ROBO1: variants seen among roughly 807,000 people sequenced by gnomAD.
ROBO1 encodes the protein roundabout homolog 1.
A neutral mutation model predicts 195.9 loss-of-function variants in ROBO1; 149 were observed. The ratio of observed to expected loss-of-function variants is 0.76; its 90% CI spans 0.67 to 0.87. ROBO1 has a LOEUF of 0.87. Ranked by LOEUF, ROBO1 falls within the 40% of genes least tolerant of loss-of-function variation. ROBO1 has a pLI of 0.00. For synonymous variants in ROBO1, 816 were observed against 733.2 expected (o/e 1.11, Z -1.82); for missense variants, 1,933 against 2,068.3 (o/e 0.93, Z 1.27).
At chr3:79,690,977 A>G (rs1947282214) in intron 1 of ROBO1, among the ~76,000 whole-genome samples, 2 of 151,894 alleles carry the variant, frequency 1.3e-5, no homozygotes, top group Admixed American at 1.3e-4. Flanking sequence ...TTACATATAT[A>G]ATTTATTCTT....
intron 3 of ROBO1, among the ~76,000 whole-genome samples, chr3:79,082,021 A>G (rs1362576341): frequency 6.6e-6 from 1 of 152,138 alleles, no homozygotes; most frequent in African/African-American, 2.4e-5. Flanking sequence ...TTATTTTTCT[A>G]TTATCATTCA....
chr3:79,201,727 C>T (rs1366017948), intron 2 of ROBO1, among the ~76,000 whole-genome samples: 2 of 151,756 alleles, frequency 1.3e-5, no homozygotes, highest in African/African-American at 4.8e-5. Flanking sequence ...ATCAAAATAA[C>T]CTTTTACACA....
chr3:79,530,242 T>C (rs1559968003), intron 2 of ROBO1, among the ~76,000 whole-genome samples: 1 of 152,194 alleles, frequency 6.6e-6, no homozygotes, highest in South Asian at 2.1e-4. Flanking sequence ...GTGACACTTT[T>C]TTGGTTCTAA....
chr3:79,695,613 A>G (rs1947422216), intron 1 of ROBO1, among the ~76,000 whole-genome samples: 1 of 151,546 alleles, frequency 6.6e-6, no homozygotes. Flanking sequence ...GGAGAATGCA[A>G]AAAACTCCAG....
intron 2 of ROBO1, among the ~76,000 whole-genome samples, chr3:79,503,211 A>G (rs1940206237): frequency 6.6e-6 from 1 of 152,156 alleles, no homozygotes; most frequent in Non-Finnish European, 1.5e-5. Flanking sequence ...ACCAGGAGGA[A>G]TGAACAACTG....
At chr3:79,452,553 C>A (rs2039479604) in intron 2 of ROBO1, among the ~76,000 whole-genome samples, 2 of 152,036 alleles carry the variant, frequency 1.3e-5, no homozygotes, top group Non-Finnish European at 2.9e-5. Flanking sequence ...GTTGTGTCTG[C>A]TTGTTGCTGA....
Position 78,769,620 on chromosome 3 carries a change from T to G in ROBO1, c.500-22720A>C, listed in dbSNP as rs1392726791. On this transcript the variant is annotated intron_variant, in intron 4 of 30. Transcript: ENST00000464233. ...CTTTTTGTTGCCAGTGTACTTTGGT[T>G]TTTTTTTTTTTTTTTTTTGCTTTTT... is the stretch of plus-strand genomic sequence containing the variant. Among the ~76,000 whole-genome samples, 3 of 1,084 alleles carry G rather than the reference T, an allele frequency of 2.8e-3. No individual in the cohort carries two copies. The East Asian group carries it at 0.11, about 39-fold the overall frequency. 0.7% of individuals were successfully genotyped at this position (1,084 alleles called of 152,430 possible). A position where few individuals can be genotyped will look rare whatever the true frequency, so the allele number is the denominator to read the frequency against.
At chr3:79,699,511 G>A (rs1272976069) in intron 1 of ROBO1, among the ~76,000 whole-genome samples, 1 of 151,554 alleles carries the variant, frequency 6.6e-6, no homozygotes, top group Non-Finnish European at 1.5e-5. Flanking sequence ...CATATTAAAG[G>A]TTGAGACCTC....
chr3:79,747,877 G>T (rs1241100391), intron 1 of ROBO1, among the ~76,000 whole-genome samples: 1 of 151,774 alleles, frequency 6.6e-6, no homozygotes, highest in African/African-American at 2.4e-5. Flanking sequence ...CCACTATAAA[G>T]AGAAAACAAA....
chr3:79,673,860 C>G (rs1261225580), intron 1 of ROBO1, among the ~76,000 whole-genome samples: 2 of 151,954 alleles, frequency 1.3e-5, no homozygotes, highest in African/African-American at 4.8e-5. Flanking sequence ...GGGCTTAACA[C>G]CAGTGAGTGG....
intron 1 of ROBO1, among the ~76,000 whole-genome samples, chr3:79,750,328 G>A (rs1056609030): frequency 2.6e-5 from 4 of 152,148 alleles, no homozygotes; most frequent in African/African-American, 9.7e-5. Flanking sequence ...TAGGCAAAAG[G>A]GACTTGCCTT....
intron 2 of ROBO1, among the ~76,000 whole-genome samples, chr3:79,517,708 C>G (rs1941011003): frequency 6.6e-6 from 1 of 152,076 alleles, no homozygotes; most frequent in East Asian, 1.9e-4. Flanking sequence ...TTAGAATGTT[C>G]TTGTATGGCC....
chr3:79,573,102 T>G (rs1484845216), intron 2 of ROBO1, among the ~76,000 whole-genome samples: 2 of 152,106 alleles, frequency 1.3e-5, no homozygotes, highest in Admixed American at 6.6e-5. Flanking sequence ...CAAGCTGGAG[T>G]GCAGCGGCGA....
intron 26 of ROBO1, among the ~76,000 whole-genome samples, chr3:78,620,357 C>T (rs1704379396): frequency 6.6e-6 from 1 of 151,852 alleles, no homozygotes; most frequent in African/African-American, 2.4e-5. Flanking sequence ...ACTAAAAATA[C>T]AAAAATTAGC....
At chr3:79,461,034 A>C (rs1223008434) in intron 2 of ROBO1, among the ~76,000 whole-genome samples, 1 of 152,216 alleles carries the variant, frequency 6.6e-6, no homozygotes, top group Non-Finnish European at 1.5e-5. Context: ...ATAAGGAATT[A>C]ATAAAATTTT....
chr3:79,761,563 T>G lies in ROBO1; in HGVS notation c.-51+6189A>C, dbSNP rs146103691. 9.5e-3 allele frequency among the ~76,000 whole-genome samples: 1,446 copies of G among 152,272 alleles called. 20 individuals are homozygous for G. The highest frequency in any genetic ancestry group is 0.033 in the African/African-American group (1,373 of 41,526). On this transcript the variant is annotated intron_variant, in intron 1 of 30. Coordinates refer to ENST00000464233, the MANE Select transcript of ROBO1 (RefSeq NM_002941.4). ...TCAAACTTGTCATAATAATAAAAAG[T>G]CAGAGTCATTAAAAGCTCCAAGTAC...
At chr3:78,656,221 A>C (rs534911804) in intron 18 of ROBO1, among the ~76,000 whole-genome samples, 12 of 152,056 alleles carry the variant, frequency 7.9e-5, no homozygotes, top group African/African-American at 2.9e-4. Context: ...TTGACATCTC[A>C]ATCTACCTTT....
chr3:79,421,012 A>G (rs1053366960), intron 2 of ROBO1, among the ~76,000 whole-genome samples: 6 of 152,176 alleles, frequency 3.9e-5, no homozygotes, highest in African/African-American at 1.4e-4. Flanking sequence ...AACAAAATGT[A>G]CATATACACC....
intron 4 of ROBO1, among the ~76,000 whole-genome samples, chr3:78,868,830 T>C (rs1443109678): frequency 1.3e-5 from 2 of 152,302 alleles, no homozygotes; most frequent in South Asian, 2.1e-4. Context: ...GAAAGAACAA[T>C]GGGTATGTAG....
Sources: gnomAD v4.1 joint callset for allele counts (sites outside exome capture counted in the v4.1 genomes callset) on GRCh38, gnomAD v4.1.1 for gene constraint, MANE v1.5 for transcripts, NCBI Gene and HGNC (gene_info 2026-07-23, HGNC 2026-07-21) for gene names.